The following KCNH1 variants were observed in gnomAD, a reference collection of about 807,000 sequenced individuals.
The protein encoded by KCNH1 is potassium voltage-gated channel subfamily H member 1, also known as voltage-gated delayed rectifier potassium channel KCNH1.
KCNH1 carries 27 observed loss-of-function variants against 69.2 expected under a neutral mutation model. The ratio of observed to expected loss-of-function variants is 0.39; its 90% CI spans 0.29 to 0.54. KCNH1 has a LOEUF of 0.54. Ranked by LOEUF, KCNH1 falls within the 20% of genes least tolerant of loss-of-function variation. The pLI is 0.68. For synonymous variants in KCNH1, 456 were observed against 487.7 expected (o/e 0.93, Z 0.86); for missense variants, 798 against 1,261.6 (o/e 0.63, Z 5.57).
At chr1:211,076,272 C>T (rs1690731161) in intron 5 of KCNH1, among the ~76,000 whole-genome samples, 1 of 152,238 alleles carries the variant, frequency 6.6e-6, no homozygotes, top group African/African-American at 2.4e-5. Flanking sequence ...AATGGACAGA[C>T]TGCCTCCTCA....
At chr1:210,717,703 G>A (rs764650076) in intron 10 of KCNH1, among the ~76,000 whole-genome samples, 4 of 152,196 alleles carry the variant, frequency 2.6e-5, no homozygotes, top group Non-Finnish European at 4.4e-5. Flanking sequence ...ATGTACTCAG[G>A]AACAGCAGAT....
chr1:210,857,688 C>A (rs754408130), intron 7 of KCNH1, among the ~76,000 whole-genome samples: 34 of 152,224 alleles, frequency 2.2e-4, no homozygotes, highest in Admixed American at 5.2e-4. Context: ...AGTTTTGAAT[C>A]CATTAAGATG....
At chr1:210,881,393 T>C (rs558517303) in intron 7 of KCNH1, among the ~76,000 whole-genome samples, 1 of 152,330 alleles carries the variant, frequency 6.6e-6, no homozygotes, top group Non-Finnish European at 1.5e-5. Flanking sequence ...TCTGGAACTA[T>C]GGGAACTCTC....
rs1029000018 is a variant in KCNH1 at position 210,680,294 on chromosome 1, G to A, written c.*2987C>T. 2.6e-5 allele frequency: 4 copies of A among 152,140 alleles called. No homozygotes were observed. The highest frequency in any genetic ancestry group is 9.7e-5 in the African/African-American group (4 of 41,412). 9.4% of individuals were successfully genotyped at this position (152,140 alleles called of 1,614,324 possible). On this transcript the variant is annotated 3_prime_UTR_variant, in exon 11 of 11. Coordinates refer to ENST00000271751, the MANE Select transcript of KCNH1 (RefSeq NM_172362.3). ...TCTCTGGGAAATGGAGCTTCAATAT[G>A]AATGACATTCAAAGTAAAGAATTTA...
intron 6 of KCNH1, among the ~76,000 whole-genome samples, chr1:211,009,178 G>A (rs986904754): frequency 1.3e-5 from 2 of 152,202 alleles, no homozygotes; most frequent in Non-Finnish European, 2.9e-5. Context: ...GTCTAACGTT[G>A]CCAACATGGA....
intron 10 of KCNH1, among the ~76,000 whole-genome samples, chr1:210,754,716 T>G (rs1683356213): frequency 6.6e-6 from 1 of 152,124 alleles, no homozygotes; most frequent in Non-Finnish European, 1.5e-5. Context: ...GCCAAGCAGA[T>G]GCTGGCACCA....
At chr1:211,008,982 C>A (rs901256705) in intron 6 of KCNH1, among the ~76,000 whole-genome samples, 1 of 152,092 alleles carries the variant, frequency 6.6e-6, no homozygotes, top group South Asian at 2.1e-4. Flanking sequence ...TGAGCAAACA[C>A]CTCAATGAAG....
chr1:211,018,843 A>C lies in KCNH1; in HGVS notation c.972T>G (p.Asp324Glu). Reference protein sequence around the residue: ...NVDEVSAFMGDPGKIGFADQI... With the variant: ...NVDEVSAFMGEPGKIGFADQI... ...GATCAGCAAAACCAATCTTCCCTGG[A>C]TCACCCATAAAGGCACTAACCTCAT... The change falls in exon 6 of 11, where the codon GAT (aspartate) becomes GAG (glutamate). Residue 324 changes from aspartate to glutamate, a missense_variant. Coordinates refer to ENST00000271751, the MANE Select transcript of KCNH1 (RefSeq NM_172362.3). The C allele has an allele frequency of 6.2e-7, 1 of 1,613,970 alleles. No homozygotes were observed. The highest frequency in any genetic ancestry group is 8.5e-7 in the Non-Finnish European group (1 of 1,179,928).
chr1:211,110,570 T>C (rs569510608), intron 1 of KCNH1, among the ~76,000 whole-genome samples: 1 of 152,096 alleles, frequency 6.6e-6, no homozygotes, highest in Non-Finnish European at 1.5e-5. Context: ...TTAAAACCAA[T>C]ACATAATAAA....
At chr1:210,859,522 G>A in intron 7 of KCNH1, 1 of 1,596,682 alleles carries the variant, frequency 6.3e-7, no homozygotes, top group Non-Finnish European at 8.6e-7. Flanking sequence ...ATCTTCACCT[G>A]CCTGCTTAGC....
intron 7 of KCNH1, among the ~76,000 whole-genome samples, chr1:210,821,050 C>T (rs1684918033): frequency 6.6e-6 from 1 of 152,188 alleles, no homozygotes; most frequent in Non-Finnish European, 1.5e-5. Context: ...TTAAATCATA[C>T]CATCTTAAGT....
rs575614142 is a variant in KCNH1 at position 210,783,489 on chromosome 1, C to A, written c.1916-7945G>T. 5.3e-4 allele frequency among the ~76,000 whole-genome samples: 81 copies of A among 152,268 alleles called. 1 individual carries two copies. In the South Asian group the frequency reaches 0.012, roughly 22 times the overall value. On this transcript the variant is annotated intron_variant, in intron 9 of 10. Coordinates refer to ENST00000271751, the MANE Select transcript of KCNH1 (RefSeq NM_172362.3). ...GACAACCAGAATAAAGACTAAATTG[C>A]AGGTAAGTGTGGCCATCTGTTCAAG...
chr1:210,752,903 G>A (rs1683310949), intron 10 of KCNH1, among the ~76,000 whole-genome samples: 1 of 152,128 alleles, frequency 6.6e-6, no homozygotes, highest in Non-Finnish European at 1.5e-5. Flanking sequence ...CTGTGACTAT[G>A]TTCGTATAAG....
intron 7 of KCNH1, among the ~76,000 whole-genome samples, chr1:210,862,827 A>G (rs1056203536): frequency 6.6e-6 from 1 of 152,228 alleles, no homozygotes; most frequent in Non-Finnish European, 1.5e-5. Context: ...AAAGGCCCTT[A>G]TCTCAGCTTA....
At chr1:210,735,406 GTGAA>G (rs1682851359) in intron 10 of KCNH1, among the ~76,000 whole-genome samples, 1 of 137,018 alleles carries the variant, frequency 7.3e-6, no homozygotes, top group East Asian at 2.2e-4. Flanking sequence ...TGATGTGTGA[GTGAA>G]TGAGTGAGTG....
intron 5 of KCNH1, among the ~76,000 whole-genome samples, chr1:211,019,509 TTACACCTTTGTGTAATTCTAAA>T (rs1571583376): frequency 6.6e-6 from 1 of 152,254 alleles, no homozygotes; most frequent in African/African-American, 2.4e-5. Context: ...ATTTATTCTA[TTACACCTTTGTGTAATTCTAAA>T]TACACCTTTG....
intron 6 of KCNH1, among the ~76,000 whole-genome samples, chr1:210,983,060 A>T (rs1688746338): frequency 6.6e-6 from 1 of 152,008 alleles, no homozygotes; most frequent in South Asian, 2.1e-4. Context: ...TGGCTGCATA[A>T]ATGTCTTCTT....
intron 6 of KCNH1, among the ~76,000 whole-genome samples, chr1:210,980,470 A>G (rs1688688425): frequency 6.6e-6 from 1 of 152,208 alleles, no homozygotes; most frequent in Admixed American, 6.5e-5. Context: ...ACTAACAGGA[A>G]ACAATCAATC....
At chr1:211,005,888 A>T (rs1337297254) in intron 6 of KCNH1, among the ~76,000 whole-genome samples, 1 of 152,148 alleles carries the variant, frequency 6.6e-6, no homozygotes, top group African/African-American at 2.4e-5. Flanking sequence ...TCTACAAATC[A>T]ATTTTTTAAT....
Sources: allele counts gnomAD v4.1 joint callset (sites outside exome capture counted in the v4.1 genomes callset), GRCh38; gene constraint gnomAD v4.1.1; transcripts MANE v1.5; gene names NCBI Gene and HGNC (gene_info 2026-07-23, HGNC 2026-07-21).